The following RASGRF2 variants were observed in gnomAD, a reference collection of about 807,000 sequenced individuals.
The protein encoded by RASGRF2 is ras-specific guanine nucleotide-releasing factor 2.
Under a neutral mutation model 151.0 loss-of-function variants are expected in RASGRF2, and 76 were observed. The observed-to-expected ratio is 0.50, with a 90% CI of 0.42 to 0.61. RASGRF2 has a LOEUF of 0.61. Ranked by LOEUF, RASGRF2 falls within the 20% of genes least tolerant of loss-of-function variation. RASGRF2 has a pLI of 0.00. For missense variants in RASGRF2, 1,148 were observed against 1,564.6 expected (o/e 0.73, Z 4.49); for synonymous variants, 504 against 566.5 (o/e 0.89, Z 1.57).
chr5:81,041,231 GA>G (rs768482899), intron 1 of RASGRF2, among the ~76,000 whole-genome samples: 2 of 150,408 alleles, frequency 1.3e-5, no homozygotes, highest in Non-Finnish European at 2.9e-5. Context: ...GAACCAGGGA[GA>G]CGGAGGTTGC....
At chr5:81,184,253 T>C (rs1205520604) in intron 18 of RASGRF2, among the ~76,000 whole-genome samples, 1 of 152,210 alleles carries the variant, frequency 6.6e-6, no homozygotes, top group East Asian at 1.9e-4. Flanking sequence ...CTTGAGCATC[T>C]CCTGCTGGGA....
intron 1 of RASGRF2, among the ~76,000 whole-genome samples, chr5:80,971,425 C>T (rs753367197): frequency 1.3e-5 from 2 of 152,094 alleles, no homozygotes; most frequent in Non-Finnish European, 2.9e-5. Context: ...TTCTTTCTCT[C>T]TTTTTTGAGA....
intron 19 of RASGRF2, 138 bp downstream of exon 19, chr5:81,201,580 T>A: frequency 1.0e-6 from 1 of 982,032 alleles, no homozygotes; most frequent in Non-Finnish European, 1.5e-6. Context: ...ATGTATTATC[T>A]TCTCTTTCCT....
chr5:81,208,820 G>A (rs1228089195), intron 22 of RASGRF2, among the ~76,000 whole-genome samples: 3 of 151,918 alleles, frequency 2.0e-5, no homozygotes, highest in Non-Finnish European at 2.9e-5. Context: ...CAAAGTGTTG[G>A]GATTACAGGC....
At chr5:80,989,343 A>C (rs1266753780) in intron 1 of RASGRF2, among the ~76,000 whole-genome samples, 1 of 152,140 alleles carries the variant, frequency 6.6e-6, no homozygotes, top group African/African-American at 2.4e-5. Context: ...AGATTAAGTT[A>C]CTCTAAATCA....
chr5:81,080,324 C>T, intron 6 of RASGRF2, 124 bp downstream of exon 6: 1 of 1,480,742 alleles, frequency 6.8e-7, no homozygotes. Flanking sequence ...GCTTCTGTAT[C>T]CCGGGACCCT....
At chr5:80,969,377 G>T (rs1561530944) in intron 1 of RASGRF2, among the ~76,000 whole-genome samples, 1 of 150,362 alleles carries the variant, frequency 6.7e-6, no homozygotes, top group Non-Finnish European at 1.5e-5. Flanking sequence ...CTTGTGATCT[G>T]CCCCCCTTGG....
chr5:81,052,337 T>A lies in RASGRF2; in HGVS notation c.395+9354T>A, dbSNP rs137918473. 2.4e-4 allele frequency among the ~76,000 whole-genome samples: 36 copies of A among 152,370 alleles called. No homozygotes were observed. In the East Asian group the frequency reaches 5.4e-3, roughly 23 times the overall value. ...TATTTCCTAGTAAAAATATTTTGCC[T>A]GCTTTTATATTTAATTGTGCTTTAG... On this transcript the variant is annotated intron_variant, in intron 2 of 26. Coordinates refer to ENST00000265080, the MANE Select transcript of RASGRF2 (RefSeq NM_006909.3).
intron 17 of RASGRF2, among the ~76,000 whole-genome samples, chr5:81,168,437 A>G (rs997107374): frequency 1.3e-5 from 2 of 150,514 alleles, no homozygotes; most frequent in African/African-American, 2.4e-5. Context: ...CAACCTCCCA[A>G]GTAGCTGGGG....
chr5:81,015,766 G>A (rs1749611811), intron 1 of RASGRF2, among the ~76,000 whole-genome samples: 1 of 152,178 alleles, frequency 6.6e-6, no homozygotes, highest in South Asian at 2.1e-4. Context: ...ATCTCTGAGT[G>A]TTGGTCAATG....
At chr5:81,104,936 T>G (rs1752803555) in intron 12 of RASGRF2, among the ~76,000 whole-genome samples, 1 of 152,212 alleles carries the variant, frequency 6.6e-6, no homozygotes, top group South Asian at 2.1e-4. Context: ...GCTTGTGGAC[T>G]ATGGAAGCTG....
intron 16 of RASGRF2, among the ~76,000 whole-genome samples, chr5:81,125,932 G>A (rs1391726465): frequency 6.6e-6 from 1 of 152,220 alleles, no homozygotes; most frequent in Non-Finnish European, 1.5e-5. Context: ...TTTTGCCTGT[G>A]CATCTGTCTA....
intron 1 of RASGRF2, among the ~76,000 whole-genome samples, chr5:80,970,295 G>A (rs1303973809): frequency 6.6e-6 from 1 of 152,166 alleles, no homozygotes; most frequent in Admixed American, 6.5e-5. Flanking sequence ...TTTATCTAGG[G>A]TTAGTTGGTT....
intron 1 of RASGRF2, among the ~76,000 whole-genome samples, chr5:80,973,404 TG>T (rs1207125873): frequency 3.3e-5 from 5 of 152,230 alleles, no homozygotes; most frequent in Non-Finnish European, 7.3e-5. Flanking sequence ...TTGCTCTTCC[TG>T]CGCCTCCACG....
intron 1 of RASGRF2, among the ~76,000 whole-genome samples, chr5:81,003,699 T>C (rs1214690219): frequency 6.6e-6 from 1 of 152,214 alleles, no homozygotes; most frequent in Non-Finnish European, 1.5e-5. Flanking sequence ...TAAGTTGGCT[T>C]GGATTTTAAG....
In RASGRF2 at chr5:81,043,097, G is replaced by C. The variant is rs2112395054; in HGVS notation, c.395+114G>C. On this transcript the variant is annotated intron_variant, in intron 2 of 26. Coordinates refer to ENST00000265080, the MANE Select transcript of RASGRF2 (RefSeq NM_006909.3). The stretch of plus-strand genomic sequence containing the variant: ...CAACTCTAAGATGAGTTTTCTCCTG[G>C]TACCTATTCCTTAGTCATGTGTGAG... 4 of 696,196 alleles carry C rather than the reference G, an allele frequency of 5.7e-6. No individual in the cohort carries two copies. In the East Asian group the frequency reaches 1.1e-4, roughly 19 times the overall value. 43.1% of individuals were successfully genotyped at this position (696,196 alleles called of 1,614,324 possible).
intron 2 of RASGRF2, among the ~76,000 whole-genome samples, chr5:81,049,161 T>TAA (rs3991140): frequency 7.2e-4 from 84 of 116,822 alleles, no homozygotes; most frequent in African/African-American, 2.2e-3. Context: ...GCAAGTTCCC[T>TAA]AAAAAAAAAA....
intron 5 of RASGRF2, 135 bp downstream of exon 5, chr5:81,073,587 T>C (rs539052493): frequency 1.1e-6 from 1 of 897,482 alleles, no homozygotes; most frequent in Non-Finnish European, 1.5e-6. Context: ...AGAAAGCTAT[T>C]ACTTGTGTTC....
At chr5:80,982,032 T>C (rs768438338) in intron 1 of RASGRF2, among the ~76,000 whole-genome samples, 2 of 152,250 alleles carry the variant, frequency 1.3e-5, no homozygotes, top group Non-Finnish European at 2.9e-5. Context: ...TAGAGTGATA[T>C]GGCTTATGCC....
Sources: gnomAD v4.1 joint callset for allele counts (sites outside exome capture counted in the v4.1 genomes callset) on GRCh38, gnomAD v4.1.1 for gene constraint, MANE v1.5 for transcripts, NCBI Gene and HGNC (gene_info 2026-07-23, HGNC 2026-07-21) for gene names.